DICER1: variants seen among roughly 807,000 people sequenced by gnomAD.
The protein encoded by DICER1 is endoribonuclease Dicer.
DICER1 carries 43 observed loss-of-function variants against 194.1 expected under a neutral mutation model. The observed-to-expected ratio is 0.22, with a 90% CI of 0.17 to 0.29. The LOEUF (loss-of-function observed/expected upper bound fraction) is 0.29, where lower values mean the gene tolerates loss of function less well. Ranked by LOEUF, DICER1 falls within the 10% of genes least tolerant of loss-of-function variation. DICER1 has a pLI of 1.00. For synonymous variants in DICER1, 832 were observed against 820.5 expected, an observed-to-expected ratio of 1.01 and a Z score of -0.24; for missense variants, 1,608 against 2,317.0, an observed-to-expected ratio of 0.69 and a Z score of 6.28.
intron 1 of DICER1, chr14:95,141,119 A>G (rs1461161923): frequency 2.0e-5 from 3 of 152,192 alleles, no homozygotes; most frequent in Admixed American, 1.3e-4. Context: ...ATTCACATAA[A>G]CGAAAGAAAT....
chr14:95,109,011 T>C (rs962239638), intron 14 of DICER1, among the ~76,000 whole-genome samples: 1 of 152,224 alleles, frequency 6.6e-6, no homozygotes, highest in African/African-American at 2.4e-5. Flanking sequence ...TAGAAACATA[T>C]ATACATTTAT....
Position 95,088,508 on chromosome 14 carries a change from T to C in DICER1, c.*1990A>G, listed in dbSNP as rs1219762419. ...TCCAGCCTTGTTAACTGCACACTTT[T>C]ACAGTTATATAATTCAAGAATTGCT... On this transcript the variant is annotated 3_prime_UTR_variant, in exon 27 of 27. Coordinates refer to ENST00000343455, the MANE Select transcript of DICER1 (RefSeq NM_177438.3). 2.2e-5 allele frequency: 5 copies of C among 232,358 alleles called. No homozygotes were observed. The highest frequency in any genetic ancestry group is 2.6e-5 in the Non-Finnish European group (3 of 117,398). The allele number at this position is 232,358 out of a possible 1,614,324, so 14.4% of individuals were successfully genotyped here. A position where few individuals can be genotyped will look rare whatever the true frequency, so the allele number is the denominator to read the frequency against.
At chr14:95,130,470 C>T (rs1405397710) in intron 4 of DICER1, among the ~76,000 whole-genome samples, 2 of 152,206 alleles carry the variant, frequency 1.3e-5, no homozygotes, top group Non-Finnish European at 2.9e-5. Context: ...ATCCCCACAG[C>T]CATATTATGA....
rs369513768 is a variant in DICER1 at position 95,087,872 on chromosome 14, C to G, written c.*2626G>C. ...TACATTCGGTCTCACATTGCAATCACAGGAACACAGGGTGGCACACAGGGC... is the reference window on the plus strand; with the variant it reads ...TACATTCGGTCTCACATTGCAATCAGAGGAACACAGGGTGGCACACAGGGC... On this transcript the variant is annotated 3_prime_UTR_variant, in exon 27 of 27. Coordinates refer to ENST00000343455, the MANE Select transcript of DICER1 (RefSeq NM_177438.3). The G allele has an allele frequency of 1.2e-4, 28 of 233,090 alleles. No homozygotes were observed. The highest frequency in any genetic ancestry group is 8.4e-4 in the Admixed American group (15 of 17,784). 14.4% of individuals were successfully genotyped at this position (233,090 alleles called of 1,614,324 possible).
chr14:95,151,084 A>C (rs886188110), intron 1 of DICER1, among the ~76,000 whole-genome samples: 5 of 152,370 alleles, frequency 3.3e-5, no homozygotes, highest in African/African-American at 1.2e-4. Flanking sequence ...TTTATTTTAC[A>C]AAACACTTGG....
intron 8 of DICER1, among the ~76,000 whole-genome samples, chr14:95,118,342 A>G (rs1892666607): frequency 6.6e-6 from 1 of 152,210 alleles, no homozygotes; most frequent in African/African-American, 2.4e-5. Context: ...TGATATCATT[A>G]GAAGCAGAGC....
intron 23 of DICER1, among the ~76,000 whole-genome samples, chr14:95,095,118 A>G (rs1014950097): frequency 1.3e-5 from 2 of 152,210 alleles, no homozygotes; most frequent in Non-Finnish European, 2.9e-5. Context: ...TATAAACTAC[A>G]AACTTTATAC....
At chr14:95,098,996 A>T (rs1890612521) in intron 22 of DICER1, among the ~76,000 whole-genome samples, 1 of 152,244 alleles carries the variant, frequency 6.6e-6, no homozygotes, top group South Asian at 2.1e-4. Context: ...AAAGAAAAAA[A>T]CGGTATTATC....
rs1422876107 is a variant in DICER1, at chr14:95,104,120, A to T, written c.3276T>A (p.Pro1092=). Residue 1092 remains proline (P), a synonymous_variant, in exon 21 of 27, where the codon CCT becomes CCA. Coordinates refer to ENST00000343455, the MANE Select transcript of DICER1 (RefSeq NM_177438.3). ...VRSLPADFRY[P]NLDFGWKKSI... Reference sequence around the variant, plus strand: ...ATTTTTTCCACCCGAAGTCTAAGTTAGGGTATCTGCAAAGACATTTTTATA... The same window carrying T: ...ATTTTTTCCACCCGAAGTCTAAGTTTGGGTATCTGCAAAGACATTTTTATA... 1.4e-5 allele frequency: 22 copies of T among 1,611,656 alleles called. No homozygotes were observed. Among genetic ancestry groups the T allele is most frequent in the Non-Finnish European group, 1.9e-5 (22 of 1,179,172 alleles).
Position 95,099,994 on chromosome 14 carries a change from A to T in DICER1, c.4051-59T>A, listed in dbSNP as rs932689783. On this transcript the variant is annotated intron_variant, in intron 21 of 26. Coordinates refer to ENST00000343455, the MANE Select transcript of DICER1 (RefSeq NM_177438.3). ...AATGATCACTGCTGGAATTCATTCAAGGCATATTAACATATCCTCAGTTAA... is the reference window on the plus strand; with the variant it reads ...AATGATCACTGCTGGAATTCATTCATGGCATATTAACATATCCTCAGTTAA... 7.5e-5 allele frequency: 119 copies of T among 1,581,966 alleles called. No homozygotes were observed. The African/African-American group carries it at 1.6e-3, about 21-fold the overall frequency.
At chr14:95,091,439 T>C in intron 24 of DICER1, 74 bp from the exon 25 acceptor site, 1 of 1,402,072 alleles carries the variant, frequency 7.1e-7, no homozygotes, top group Non-Finnish European at 1.0e-6. Context: ...TAGTTTCTTT[T>C]CTTGGATATA....
Position 95,103,766 on chromosome 14 carries a change from G to C in DICER1, c.3630C>G (p.Pro1210=), listed in dbSNP as rs774727760. The C allele has an allele frequency of 6.2e-7, 1 of 1,614,138 alleles. No individual in the cohort carries two copies. The highest frequency in any genetic ancestry group is 8.5e-7 in the Non-Finnish European group (1 of 1,180,018). Residue 1210 remains proline, a synonymous_variant, in exon 21 of 27, where the codon CCC becomes CCG. Coordinates refer to ENST00000343455, the MANE Select transcript of DICER1 (RefSeq NM_177438.3). Reference sequence around the variant, plus strand: ...TGGAATATGAGGTAGTTGGTTGCACGGGTATTTCCTGCTTGTAGTAATTTA... The same window carrying C: ...TGGAATATGAGGTAGTTGGTTGCACCGGTATTTCCTGCTTGTAGTAATTTA... ...NQLNYYKQEI[P]VQPTTSYSIQ... is the part of the protein sequence containing the mutation.
chr14:95,154,555 C>A (rs893978670), intron 1 of DICER1, among the ~76,000 whole-genome samples: 1 of 152,178 alleles, frequency 6.6e-6, no homozygotes, highest in Non-Finnish European at 1.5e-5. Context: ...ACATCTAAAT[C>A]ATCACAGATG....
At chr14:95,110,463 G>A (rs949156134) in intron 14 of DICER1, among the ~76,000 whole-genome samples, 1 of 152,212 alleles carries the variant, frequency 6.6e-6, no homozygotes, top group Non-Finnish European at 1.5e-5. Context: ...ACCGGAGTAA[G>A]CAGACATGAG....
In DICER1 at chr14:95,095,095, G is replaced by T. The variant is rs142704349; in HGVS notation, c.5095+730C>A. 1.1e-3 allele frequency among the ~76,000 whole-genome samples: 160 copies of T among 152,218 alleles called. 2 individuals are homozygous for T. Among genetic ancestry groups the T allele is most frequent in the African/African-American group, 3.8e-3 (159 of 41,544 alleles). On this transcript the variant is annotated intron_variant, in intron 23 of 26. Coordinates refer to ENST00000343455, the MANE Select transcript of DICER1 (RefSeq NM_177438.3). Reference sequence around the variant, plus strand: ...CATTTTGCTGATCACCTTAACCTACGCTGCTTTTATTATATAAACTACAAA... The same window carrying T: ...CATTTTGCTGATCACCTTAACCTACTCTGCTTTTATTATATAAACTACAAA...
In DICER1 at chr14:95,124,429, G is replaced by A. The variant is rs372592852; in HGVS notation, c.1143C>T (p.Leu381=). 45 of 1,613,884 alleles carry A rather than the reference G, an allele frequency of 2.8e-5. No homozygotes were observed. Among genetic ancestry groups the A allele is most frequent in the East Asian group, 4.5e-5 (2 of 44,894 alleles). Residue 381 remains leucine, a synonymous_variant, in exon 8 of 27, where the codon CTC becomes CTT. Coordinates refer to ENST00000343455, the MANE Select transcript of DICER1 (RefSeq NM_177438.3). This position sits in a 1 kb window ranked among gnomAD's most constrained non-coding sequence, Gnocchi z 4.5. ...ATGGTTTATATTTGCGTAAGATTTCGAGCAGTTTGATTACTTTAGGAGTTA... is the reference window on the plus strand; with the variant it reads ...ATGGTTTATATTTGCGTAAGATTTCAAGCAGTTTGATTACTTTAGGAGTTA... ...KFVTPKVIKL[L]EILRKYKPYE...
chr14:95,142,208 G>A (rs554298711), intron 1 of DICER1, among the ~76,000 whole-genome samples: 71 of 151,370 alleles, frequency 4.7e-4, no homozygotes, highest in Admixed American at 1.7e-3. Flanking sequence ...TCCTCCCACC[G>A]TGGCCTCCCA....
Position 95,116,617 on chromosome 14 carries a change from T to C in DICER1, c.1588A>G (p.Lys530Glu), listed in dbSNP as rs1892498125. Residue 530 changes from lysine (K) to glutamate (E), a missense_variant, in exon 10 of 27, where the codon AAA becomes GAA. Lys to Glu is a moderately conservative substitution (Grantham distance 56). Around this residue, in one of 10 missense-constraint regions of DICER1, gnomAD observed 657 missense variants for 910.1 expected, o/e 0.72. Transcript: ENST00000343455. ...TCAAAACGAACCACCAAGTTGCATT[T>C]TGGTATATCAACACCCTCTTCTACA... Reference protein sequence around the residue: ...SIVEEGVDIPKCNLVVRFDLP... With the variant: ...SIVEEGVDIPECNLVVRFDLP... 6.2e-7 allele frequency: 1 copy of C among 1,614,066 alleles called. No homozygotes were observed. The highest frequency in any genetic ancestry group is 8.5e-7 in the Non-Finnish European group (1 of 1,179,960).
chr14:95,150,645 A>G (rs1486628883), intron 1 of DICER1, among the ~76,000 whole-genome samples: 1 of 152,220 alleles, frequency 6.6e-6, no homozygotes, highest in African/African-American at 2.4e-5. Flanking sequence ...TGCTAAAACC[A>G]TTGGGTGAAG....
Sources: gnomAD v4.1 joint callset for allele counts (sites outside exome capture counted in the v4.1 genomes callset) on GRCh38, gnomAD v4.1.1 for gene constraint, gnomAD v4.1.1 regional missense constraint, Gnocchi (gnomAD v3.1) non-coding constraint, MANE v1.5 for transcripts, NCBI Gene and HGNC (gene_info 2026-07-23, HGNC 2026-07-21) for gene names.